Variants in NPAT observed in about 807,000 individuals in gnomAD.
NPAT encodes nuclear protein, coactivator of histone transcription, also known as protein NPAT.
NPAT carries 52 observed loss-of-function variants against 130.7 expected under a neutral mutation model. That is an observed-to-expected ratio of 0.40 (90% CI 0.32 to 0.50). The LOEUF (loss-of-function observed/expected upper bound fraction) is 0.50. Among genes scored for constraint, NPAT ranks in the 20% least tolerant of loss-of-function variants. The probability of loss-of-function intolerance (pLI) is 0.68; values close to 1 mark genes in which losing one functional copy is unlikely to be tolerated. For synonymous variants in NPAT, 580 were observed against 584.8 expected, an observed-to-expected ratio of 0.99 and a Z score of 0.12; for missense variants, 1,687 against 1,662.6, an observed-to-expected ratio of 1.01 and a Z score of -0.26.
intron 13 of NPAT, among the ~76,000 whole-genome samples, chr11:108,170,372 C>G (rs1351213640): frequency 6.6e-6 from 1 of 152,154 alleles, no homozygotes; most frequent in Non-Finnish European, 1.5e-5. Context: ...CTGGATTCCT[C>G]TAGAAATAAT....
At chr11:108,178,923 C>T (rs1171716120) in intron 10 of NPAT, among the ~76,000 whole-genome samples, 3 of 152,156 alleles carry the variant, frequency 2.0e-5, no homozygotes, top group Middle Eastern at 3.4e-3. Flanking sequence ...CCAAAACAAT[C>T]TTGAAACAGA....
At position 108,197,283 on chromosome 11, in the gene NPAT, T is replaced by G. The variant is rs949390964; in HGVS notation, c.156+19A>C. 1.4e-6 allele frequency: 2 copies of G among 1,419,334 alleles called. No homozygotes were observed. Among genetic ancestry groups the G allele is most frequent in the South Asian group, 2.3e-5 (2 of 87,064 alleles). The allele number at this position is 1,419,334 out of a possible 1,614,324, so 87.9% of individuals were successfully genotyped here. ...TCTTGTGTTGATGAAATATTTCCCT[T>G]AAGGAACAAATAACTCACCAGTAAG... On this transcript the variant is annotated intron_variant, in intron 2 of 17. Coordinates refer to ENST00000278612, the MANE Select transcript of NPAT (RefSeq NM_002519.3).
Position 108,189,213 on chromosome 11 carries a change from G to A in NPAT, c.449C>T (p.Pro150Leu), listed in dbSNP as rs1407117940. 1 of 1,614,186 alleles carries A rather than the reference G, an allele frequency of 6.2e-7. No homozygotes were observed. Among genetic ancestry groups the A allele is most frequent in the Non-Finnish European group, 8.5e-7 (1 of 1,180,028 alleles). Residue 150 changes from proline to leucine, a missense_variant, in exon 6 of 18, where the codon CCT becomes CTT. Physicochemically the swap from Pro to Leu is moderately conservative, Grantham distance 98 (BLOSUM62 -3). Transcript: ENST00000278612. The stretch of plus-strand genomic sequence containing the variant: ...AGTAACCTGTGTACCTGTGGAAGGA[G>A]GAGTGGTAAACTGTCCTGAAAGGTA... Reference protein sequence around the residue: ...LPYLSGQFTTPPSTGTQVTRP... With the variant: ...LPYLSGQFTTLPSTGTQVTRP...
chr11:108,181,261 C>T (rs1260398738), intron 10 of NPAT, among the ~76,000 whole-genome samples: 1 of 152,108 alleles, frequency 6.6e-6, no homozygotes, highest in Admixed American at 6.6e-5. Flanking sequence ...GTCAGGAGTT[C>T]GAGACCAGCC....
rs759023459 is a variant in NPAT at position 108,190,509 on chromosome 11, G to A, written c.291-9C>T. The A allele has an allele frequency of 1.9e-6, 3 of 1,612,754 alleles. No individual in the cohort carries two copies. The South Asian group carries it at 3.3e-5, about 18-fold the overall frequency. ...GGGAACTTTGCATGCTCCTAACAAA[G>A]AAAACAAAGTAGTTATCCATCAAAA... On this transcript the variant is annotated splice_polypyrimidine_tract_variant and intron_variant, in intron 4 of 17. Coordinates refer to ENST00000278612, the MANE Select transcript of NPAT (RefSeq NM_002519.3).
At chr11:108,191,616 T>C (rs937603653) in intron 4 of NPAT, among the ~76,000 whole-genome samples, 15 of 152,218 alleles carry the variant, frequency 9.9e-5, no homozygotes, top group Non-Finnish European at 1.6e-4. Context: ...CTTATAGCTC[T>C]GAAAGAAAGG....
intron 1 of NPAT, among the ~76,000 whole-genome samples, chr11:108,213,181 G>A (rs1269047506): frequency 2.6e-5 from 4 of 151,888 alleles, no homozygotes; most frequent in Non-Finnish European, 5.9e-5. Flanking sequence ...GCTGAGGCAG[G>A]AGAATCGCTT....
chr11:108,167,044 A>C (rs560200729), intron 15 of NPAT, among the ~76,000 whole-genome samples: 4 of 152,314 alleles, frequency 2.6e-5, no homozygotes, highest in East Asian at 1.9e-4. Flanking sequence ...ATAACACTTA[A>C]TAGGTGTTTA....
chr11:108,190,283 A>G (rs1396644750), intron 5 of NPAT, among the ~76,000 whole-genome samples, 177 bp downstream of exon 5: 1 of 131,060 alleles, frequency 7.6e-6, no homozygotes, highest in Non-Finnish European at 1.5e-5. Flanking sequence ...ACTGCACTTC[A>G]GCCTGGGCGA....
chr11:108,221,791 C>T (rs969031531), intron 1 of NPAT, among the ~76,000 whole-genome samples: 1 of 152,162 alleles, frequency 6.6e-6, no homozygotes, highest in Non-Finnish European at 1.5e-5. Flanking sequence ...CCGTCTCTCA[C>T]ACAGACAATA....
chr11:108,162,532 G>A (rs1478151846), intron 15 of NPAT, among the ~76,000 whole-genome samples: 1 of 152,180 alleles, frequency 6.6e-6, no homozygotes, highest in Non-Finnish European at 1.5e-5. Flanking sequence ...CTAGGTTCAA[G>A]CAATTCTCCT....
chr11:108,208,445 G>A (rs1321395541), intron 1 of NPAT: 3 of 455,880 alleles, frequency 6.6e-6, no homozygotes, highest in Non-Finnish European at 1.3e-5. Context: ...GAAATTAGCT[G>A]GGCTTGGTGG....
At chr11:108,181,222 G>C (rs2078055132) in intron 10 of NPAT, among the ~76,000 whole-genome samples, 1 of 152,202 alleles carries the variant, frequency 6.6e-6, no homozygotes, top group South Asian at 2.1e-4. Flanking sequence ...CCAGCACTTT[G>C]GGAGGCCGAG....
intron 2 of NPAT, among the ~76,000 whole-genome samples, chr11:108,195,344 TGTG>T (rs1202947323): frequency 6.6e-6 from 1 of 152,226 alleles, no homozygotes; most frequent in Non-Finnish European, 1.5e-5. Flanking sequence ...TCTGCATATT[TGTG>T]GTGAAGGACT....
intron 1 of NPAT, among the ~76,000 whole-genome samples, chr11:108,200,829 C>G (rs1820897852): frequency 6.6e-6 from 1 of 152,198 alleles, no homozygotes; most frequent in Non-Finnish European, 1.5e-5. Context: ...ACCCTACTAA[C>G]TCAAATACTT....
intron 2 of NPAT, among the ~76,000 whole-genome samples, chr11:108,195,945 G>T (rs879892635): frequency 6.6e-6 from 1 of 152,158 alleles, no homozygotes; most frequent in Non-Finnish European, 1.5e-5. Flanking sequence ...TTCTTCTAAC[G>T]TGCCTCTTGT....
rs1483987427 is a variant in NPAT at position 108,169,791 on chromosome 11, G to A, written c.2963C>T (p.Pro988Leu). ...TCCCTGAGCCTTCTGAGATTTTGGA[G>A]GGACGGGGAATTGAGGGATACTTCT... ...CNRSIPQFPV[P>L]PKSQKAQGLR... The change falls in exon 15 of 18, where the codon CCT becomes CTT. Residue 988 changes from proline (P) to leucine (L), a missense_variant. Around this residue, in one of 3 missense-constraint regions of NPAT, gnomAD observed 1,379 missense variants for 1,346.6 expected, o/e 1.02. Coordinates refer to ENST00000278612, the MANE Select transcript of NPAT (RefSeq NM_002519.3). The A allele has an allele frequency of 6.2e-7, 1 of 1,614,044 alleles. No homozygotes were observed. The highest frequency in any genetic ancestry group is 1.7e-5 in the Admixed American group (1 of 60,024).
At position 108,171,978 on chromosome 11, in the gene NPAT, AAAAAAG is replaced by A. The variant is rs1365264254; in HGVS notation, c.2785+215_2785+220del. 2.3e-5 allele frequency: 13 copies of A among 556,610 alleles called. 1 individual carries two copies. Among genetic ancestry groups the A allele is most frequent in the African/African-American group, 1.7e-4 (9 of 53,324 alleles). 34.5% of individuals were successfully genotyped at this position (556,610 alleles called of 1,614,324 possible). On this transcript the variant is annotated intron_variant, in intron 13 of 17. Coordinates refer to ENST00000278612, the MANE Select transcript of NPAT (RefSeq NM_002519.3). ...TAGATTGAGAAGTATTTGTGAAAAG[AAAAAAG>A]AAAAACCACTAAAGCCCATAGCTTA...
chr11:108,193,499 G>A (rs924317563), intron 3 of NPAT, among the ~76,000 whole-genome samples: 9 of 152,320 alleles, frequency 5.9e-5, no homozygotes, highest in South Asian at 2.1e-4. Context: ...GCCGAGGTGG[G>A]TGGATCACCT....
Sources: allele counts gnomAD v4.1 joint callset (sites outside exome capture counted in the v4.1 genomes callset), GRCh38; gene constraint gnomAD v4.1.1; regional missense constraint gnomAD v4.1.1; transcripts MANE v1.5; gene names NCBI Gene and HGNC (gene_info 2026-07-23, HGNC 2026-07-21).